DLGAP1: variants seen among roughly 807,000 people sequenced by gnomAD.
DLGAP1 encodes DLG associated protein 1.
DLGAP1 carries 11 observed loss-of-function variants against 90.8 expected under a neutral mutation model. The observed-to-expected ratio is 0.12, with a 90% CI of 0.08 to 0.20. The LOEUF (loss-of-function observed/expected upper bound fraction) is 0.20. Ranked by LOEUF, DLGAP1 falls within the 10% of genes least tolerant of loss-of-function variation. The probability of loss-of-function intolerance (pLI) is 1.00; values close to 1 mark genes in which losing one functional copy is unlikely to be tolerated. For missense variants in DLGAP1, 1,050 were observed against 1,333.8 expected (o/e 0.79, Z 3.31); for synonymous variants, 558 against 540.7 (o/e 1.03, Z -0.44).
intron 12 of DLGAP1, among the ~76,000 whole-genome samples, chr18:3,501,801 G>T (rs542053087): frequency 6.6e-6 from 1 of 152,220 alleles, no homozygotes; most frequent in South Asian, 2.1e-4. Context: ...ATACCCGTGT[G>T]AGCCTCGTGG....
intron 1 of DLGAP1, among the ~76,000 whole-genome samples, chr18:4,429,355 C>T (rs2083229393): frequency 6.6e-6 from 1 of 152,158 alleles, no homozygotes; most frequent in African/African-American, 2.4e-5. Context: ...CAGCCAATAA[C>T]AAAAGCATTA....
chr18:4,310,371 C>T (rs1236766274), intron 1 of DLGAP1, among the ~76,000 whole-genome samples: 1 of 152,150 alleles, frequency 6.6e-6, no homozygotes, highest in African/African-American at 2.4e-5. Flanking sequence ...ACAACTGGTG[C>T]TTTGAAAAAG....
chr18:4,412,186 G>A (rs1008606896), intron 1 of DLGAP1, among the ~76,000 whole-genome samples: 5 of 152,170 alleles, frequency 3.3e-5, no homozygotes, highest in African/African-American at 1.2e-4. Context: ...CAAGTCAGCT[G>A]TGCCAAGGCC....
chr18:4,268,871 A>T (rs1321004078), intron 1 of DLGAP1, among the ~76,000 whole-genome samples: 1 of 152,188 alleles, frequency 6.6e-6, no homozygotes, highest in Non-Finnish European at 1.5e-5. Context: ...TTAAGAAATT[A>T]CACAATACAG....
intron 1 of DLGAP1, among the ~76,000 whole-genome samples, chr18:4,442,414 G>C (rs1598428757): frequency 6.6e-6 from 1 of 152,212 alleles, no homozygotes; most frequent in South Asian, 2.1e-4. Context: ...ATTACTACTA[G>C]CATCATTATT....
At chr18:3,936,832 C>A (rs1052480027) in intron 3 of DLGAP1, among the ~76,000 whole-genome samples, 1 of 152,126 alleles carries the variant, frequency 6.6e-6, no homozygotes, top group East Asian at 1.9e-4. Context: ...AACAAAGAAG[C>A]AGGAATGATG....
At chr18:4,190,492 A>C (rs543737022) in intron 1 of DLGAP1, among the ~76,000 whole-genome samples, 4 of 152,260 alleles carry the variant, frequency 2.6e-5, no homozygotes, top group Admixed American at 2.6e-4. Context: ...CAGGGTATAG[A>C]ACACAAAGAG....
chr18:3,625,398 A>C (rs769386224), intron 7 of DLGAP1, among the ~76,000 whole-genome samples: 25 of 152,172 alleles, frequency 1.6e-4, no homozygotes, highest in Admixed American at 6.6e-5. Flanking sequence ...CTTGCAGTGG[A>C]ACTGCTTCCT....
intron 7 of DLGAP1, among the ~76,000 whole-genome samples, chr18:3,650,131 C>T (rs2059245365): frequency 1.3e-5 from 2 of 152,178 alleles, no homozygotes; most frequent in African/African-American, 2.4e-5. Context: ...GCAACCTCCA[C>T]CTCCTGGATT....
intron 9 of DLGAP1, among the ~76,000 whole-genome samples, chr18:3,552,304 T>C (rs1480649581): frequency 6.6e-6 from 1 of 152,252 alleles, no homozygotes; most frequent in East Asian, 1.9e-4. Context: ...GCTCTTGTCT[T>C]ATCTCCCTGA....
intron 1 of DLGAP1, among the ~76,000 whole-genome samples, chr18:4,332,444 C>T (rs676275): frequency 0.37 from 55,455 of 150,928 alleles, 10,493 homozygotes; most frequent in African/African-American, 0.39. Context: ...TTTTAAAAAG[C>T]AAACTGATTC....
chr18:4,015,992 G>C (rs1451177797), intron 2 of DLGAP1, among the ~76,000 whole-genome samples: 1 of 152,154 alleles, frequency 6.6e-6, no homozygotes, highest in Non-Finnish European at 1.5e-5. Flanking sequence ...AAAAACAAAA[G>C]TTCTCCTTCC....
At chr18:3,695,134 C>T (rs7243331) in intron 7 of DLGAP1, among the ~76,000 whole-genome samples, 61,179 of 151,164 alleles carry the variant, frequency 0.4, 13,133 homozygotes, top group East Asian at 0.62. Context: ...TTAGTAGAGA[C>T]GGGGTTTCAC....
intron 1 of DLGAP1, among the ~76,000 whole-genome samples, chr18:4,214,793 CA>C (rs1200424359): frequency 2.6e-5 from 4 of 152,092 alleles, no homozygotes; most frequent in Non-Finnish European, 5.9e-5. Flanking sequence ...TTAGTCTAAT[CA>C]GGGCAATTTT....
At chr18:3,587,484 G>A (rs773779250) in intron 7 of DLGAP1, among the ~76,000 whole-genome samples, 3 of 152,086 alleles carry the variant, frequency 2.0e-5, no homozygotes, top group African/African-American at 4.8e-5. Context: ...CGCACCAATC[G>A]GCACTCTGTA....
At chr18:3,574,902 C>T (rs1347682083) in intron 8 of DLGAP1, among the ~76,000 whole-genome samples, 2 of 151,114 alleles carry the variant, frequency 1.3e-5, no homozygotes, top group Non-Finnish European at 3.0e-5. Flanking sequence ...GCAAGCTCCA[C>T]CTCCCGGGTT....
chr18:3,848,808 C>T (rs1046000037), intron 4 of DLGAP1, among the ~76,000 whole-genome samples: 1 of 152,170 alleles, frequency 6.6e-6, no homozygotes, highest in African/African-American at 2.4e-5. Flanking sequence ...CTGGATATTA[C>T]ATTTGTCTTC....
intron 7 of DLGAP1, among the ~76,000 whole-genome samples, chr18:3,682,045 G>A (rs566742603): frequency 2.0e-5 from 3 of 150,272 alleles, no homozygotes; most frequent in Non-Finnish European, 4.4e-5. Context: ...TTGAACCTGG[G>A]AAGCAGAAGT....
At chr18:4,411,838 G>C (rs144167481) in intron 1 of DLGAP1, among the ~76,000 whole-genome samples, 1 of 152,268 alleles carries the variant, frequency 6.6e-6, no homozygotes, top group Non-Finnish European at 1.5e-5. Context: ...GGTTCCAAGA[G>C]GAGAAAGAGA....
Sources: gnomAD v4.1 joint callset for allele counts (sites outside exome capture counted in the v4.1 genomes callset) on GRCh38, gnomAD v4.1.1 for gene constraint, MANE v1.5 for transcripts, NCBI Gene and HGNC (gene_info 2026-07-23, HGNC 2026-07-21) for gene names.